MIB1: variants seen among roughly 807,000 people sequenced by gnomAD.
MIB1 encodes the protein E3 ubiquitin-protein ligase MIB1.
MIB1 carries 278 observed loss-of-function variants against 124.5 expected under a neutral mutation model. The observed-to-expected ratio is 2.23, with a 90% CI of 2.02 to 2.47. MIB1 has a LOEUF of 2.47. Among genes scored for constraint, MIB1 ranks in the 30% most tolerant of loss-of-function variants. The pLI, the probability that MIB1 is intolerant of heterozygous loss-of-function variation, is 0.00. For missense variants in MIB1, 957 were observed against 1,254.4 expected, an observed-to-expected ratio of 0.76 and a Z score of 3.58; for synonymous variants, 446 against 429.4, an observed-to-expected ratio of 1.04 and a Z score of -0.48.
At chr18:21,779,876 G>T (rs1351471852) in intron 6 of MIB1, among the ~76,000 whole-genome samples, 191 bp downstream of exon 6, 1 of 151,910 alleles carries the variant, frequency 6.6e-6, no homozygotes, top group Non-Finnish European at 1.5e-5. Context: ...GTGTGTGTGT[G>T]TGTGTGTGTG....
chr18:21,758,566 ACT>A (rs1366885265), intron 1 of MIB1, among the ~76,000 whole-genome samples: 23 of 151,536 alleles, frequency 1.5e-4, no homozygotes, highest in Non-Finnish European at 2.7e-4. Flanking sequence ...ACAGAGTCTC[ACT>A]CTGTCACCCA....
At chr18:21,710,320 C>T (rs1298177467) in intron 1 of MIB1, among the ~76,000 whole-genome samples, 1 of 151,912 alleles carries the variant, frequency 6.6e-6, no homozygotes, top group Middle Eastern at 3.2e-3. Flanking sequence ...TCTAGAAATC[C>T]GGACCTCAAG....
At chr18:21,706,914 G>A (rs1451751516) in intron 1 of MIB1, among the ~76,000 whole-genome samples, 1 of 152,240 alleles carries the variant, frequency 6.6e-6, no homozygotes, top group South Asian at 2.1e-4. Flanking sequence ...GGGCTGACGG[G>A]GCAGTACTGG....
intron 17 of MIB1, among the ~76,000 whole-genome samples, chr18:21,850,931 AT>A (rs1224149485): frequency 6.6e-6 from 1 of 152,164 alleles, no homozygotes; most frequent in African/African-American, 2.4e-5. Flanking sequence ...ATTAAGCCCT[AT>A]TTCAACAAAC....
intron 1 of MIB1, among the ~76,000 whole-genome samples, chr18:21,706,053 C>T (rs980669227): frequency 1.3e-5 from 2 of 152,054 alleles, no homozygotes; most frequent in Non-Finnish European, 2.9e-5. Flanking sequence ...TAAATGCATG[C>T]GTATTTCAGT....
intron 1 of MIB1, among the ~76,000 whole-genome samples, chr18:21,732,077 G>A (rs926679833): frequency 5.9e-5 from 9 of 151,768 alleles, no homozygotes; most frequent in Admixed American, 5.9e-4. Context: ...TGTAATCACA[G>A]CACTTTGGGA....
intron 18 of MIB1, among the ~76,000 whole-genome samples, 183 bp from the exon 19 acceptor site, chr18:21,856,947 G>A (rs930902140): frequency 1.3e-5 from 2 of 152,162 alleles, no homozygotes; most frequent in African/African-American, 4.8e-5. Context: ...TATTCTGGAG[G>A]CTACCGATGG....
intron 4 of MIB1, among the ~76,000 whole-genome samples, chr18:21,774,799 A>G (rs1275154042): frequency 6.6e-6 from 1 of 151,026 alleles, no homozygotes; most frequent in Non-Finnish European, 1.5e-5. Context: ...CCATTTATTT[A>G]TTTATTTTTT....
chr18:21,785,863 G>A (rs2041429008), intron 6 of MIB1, among the ~76,000 whole-genome samples: 1 of 152,132 alleles, frequency 6.6e-6, no homozygotes, highest in African/African-American at 2.4e-5. Context: ...ATGTTTGAAG[G>A]AAAGTTTTGG....
chr18:21,856,272 A>C (rs1157044390), intron 18 of MIB1, among the ~76,000 whole-genome samples: 1 of 147,624 alleles, frequency 6.8e-6, no homozygotes. Flanking sequence ...AAAACAAAAC[A>C]AAAAAAAAAC....
chr18:21,837,050 ATTAATAGGT>A (rs1390909912), intron 12 of MIB1, among the ~76,000 whole-genome samples: 1 of 152,226 alleles, frequency 6.6e-6, no homozygotes, highest in Non-Finnish European at 1.5e-5. Flanking sequence ...CCAAAATTGT[ATTAATAGGT>A]AAAGATTTTG....
intron 1 of MIB1, among the ~76,000 whole-genome samples, chr18:21,706,684 C>G (rs1010255571): frequency 1.3e-5 from 2 of 152,136 alleles, no homozygotes; most frequent in African/African-American, 4.8e-5. Context: ...GAGGGTGCCC[C>G]GGGTCCACCA....
chr18:21,733,809 G>C lies in MIB1; in HGVS notation n.167+28686G>C, dbSNP rs200865680. ...CAACCTCTGCTTCCCAGGTTCAAGA[G>C]ATTCTCCTGCCTCAGCCTCCTGAGT... On this transcript the variant is annotated intron_variant and non_coding_transcript_variant, in intron 1 of 20. Transcript: ENST00000578646. 2.0e-5 allele frequency among the ~76,000 whole-genome samples: 3 copies of C among 151,650 alleles called. No individual in the cohort carries two copies. In the East Asian group the frequency reaches 5.9e-4, roughly 30 times the overall value.
intron 1 of MIB1, among the ~76,000 whole-genome samples, chr18:21,729,153 T>C (rs1211338583): frequency 1.3e-5 from 2 of 152,218 alleles, no homozygotes; most frequent in East Asian, 1.9e-4. Context: ...TATCTGATTA[T>C]ATAGAACTGT....
At chr18:21,804,369 C>T (rs1460963068) in intron 10 of MIB1, among the ~76,000 whole-genome samples, 2 of 152,308 alleles carry the variant, frequency 1.3e-5, no homozygotes, top group Middle Eastern at 3.4e-3. Flanking sequence ...ATCTCTGTGA[C>T]AGTTGGAAAC....
At chr18:21,814,360 T>A (rs1428943701) in intron 10 of MIB1, among the ~76,000 whole-genome samples, 1 of 152,074 alleles carries the variant, frequency 6.6e-6, no homozygotes, top group Non-Finnish European at 1.5e-5. Flanking sequence ...CCAGTTGAGA[T>A]CACATTGTTT....
At chr18:21,820,650 A>G (rs563669696) in intron 12 of MIB1, among the ~76,000 whole-genome samples, 1 of 152,292 alleles carries the variant, frequency 6.6e-6, no homozygotes, top group African/African-American at 2.4e-5. Flanking sequence ...GTAGTATTAT[A>G]TTTCCCTGCC....
intron 12 of MIB1, among the ~76,000 whole-genome samples, chr18:21,834,683 C>T (rs1416649209): frequency 6.6e-6 from 1 of 152,150 alleles, no homozygotes; most frequent in Non-Finnish European, 1.5e-5. Flanking sequence ...GAATAGTCTA[C>T]ACAATATCCC....
intron 1 of MIB1, among the ~76,000 whole-genome samples, chr18:21,717,037 G>C: frequency 6.6e-6 from 1 of 152,128 alleles, no homozygotes; most frequent in East Asian, 1.9e-4. Flanking sequence ...CAAACAGCAT[G>C]GTACTGGCAT....
Sources: allele counts gnomAD v4.1 joint callset (sites outside exome capture counted in the v4.1 genomes callset), GRCh38; gene constraint gnomAD v4.1.1; transcripts MANE v1.5; gene names NCBI Gene and HGNC (gene_info 2026-07-23, HGNC 2026-07-21).